RORA: variants seen among roughly 807,000 people sequenced by gnomAD.
RORA encodes nuclear receptor ROR-alpha.
A neutral mutation model predicts 69.5 loss-of-function variants in RORA; 7 were observed. The observed-to-expected ratio is 0.10, with a 90% confidence interval of 0.06 to 0.19. RORA has a LOEUF of 0.19. Among genes scored for constraint, RORA ranks in the 10% least tolerant of loss-of-function variants. RORA has a pLI of 1.00. For missense variants in RORA, 457 were observed against 663.0 expected, an observed-to-expected ratio of 0.69 and a Z score of 3.41; for synonymous variants, 261 against 240.8, an observed-to-expected ratio of 1.08 and a Z score of -0.78.
At chr15:60,516,087 ATATT>A (rs2065907689) in intron 3 of RORA, among the ~76,000 whole-genome samples, 1 of 64,632 alleles carries the variant, frequency 1.5e-5, no homozygotes, top group Non-Finnish European at 2.9e-5. Context: ...TTATTTATAT[ATATT>A]TATATATATT....
At position 61,009,824 on chromosome 15, in the gene RORA, T is replaced by C. The variant is rs191440875; in HGVS notation, c.166+219229A>G. ...CATTAATTTGCTAATTGGTGTTCAT[T>C]ACTTTGGACATGGGCTTCGACATGT... is the stretch of plus-strand genomic sequence containing the variant. On this transcript the variant is annotated intron_variant, in intron 1 of 10. Coordinates refer to ENST00000335670, the MANE Select transcript of RORA (RefSeq NM_134261.3). 3.3e-5 allele frequency among the ~76,000 whole-genome samples: 5 copies of C among 152,346 alleles called. No homozygotes were observed. In the East Asian group the frequency reaches 9.6e-4, roughly 29 times the overall value.
chr15:60,588,748 T>C (rs1287785698), intron 2 of RORA, among the ~76,000 whole-genome samples: 3 of 152,164 alleles, frequency 2.0e-5, no homozygotes, highest in African/African-American at 7.2e-5. Flanking sequence ...TCTAAATGAC[T>C]ATTTCTGTTT....
At chr15:60,772,605 G>A (rs181619485) in intron 1 of RORA, among the ~76,000 whole-genome samples, 2 of 152,256 alleles carry the variant, frequency 1.3e-5, no homozygotes, top group South Asian at 4.1e-4. Flanking sequence ...CTTTCAAAAC[G>A]TGATAAGTAA....
At position 61,077,404 on chromosome 15, in the gene RORA, G is replaced by A. The variant is rs116085604; in HGVS notation, c.166+151649C>T. ...ATTTGCCATTTACCTTGAAAGACAC[G>A]TCCAGATAAATGATTACATCTTCAG... is the stretch of plus-strand genomic sequence containing the variant. On this transcript the variant is annotated intron_variant, in intron 1 of 10. Coordinates refer to ENST00000335670, the MANE Select transcript of RORA (RefSeq NM_134261.3). Among the ~76,000 whole-genome samples, 878 of 152,254 alleles carry A rather than the reference G, an allele frequency of 5.8e-3. 5 individuals are homozygous for A. The highest frequency in any genetic ancestry group is 0.02 in the African/African-American group (832 of 41,538).
chr15:61,115,185 C>T (rs2079039934), intron 1 of RORA, among the ~76,000 whole-genome samples: 1 of 152,084 alleles, frequency 6.6e-6, no homozygotes, highest in African/African-American at 2.4e-5. Flanking sequence ...TTTCATATCT[C>T]CAGAGTCCAC....
At chr15:61,005,150 G>A (rs774813007) in intron 1 of RORA, among the ~76,000 whole-genome samples, 5 of 152,182 alleles carry the variant, frequency 3.3e-5, no homozygotes, top group Non-Finnish European at 5.9e-5. Flanking sequence ...GATTGGTTAA[G>A]TCAATTGTGT....
intron 1 of RORA, among the ~76,000 whole-genome samples, chr15:61,132,248 G>A (rs2079196256): frequency 2.0e-5 from 3 of 151,996 alleles, no homozygotes; most frequent in Non-Finnish European, 4.4e-5. Flanking sequence ...TTAAATGCTA[G>A]CATATATACA....
chr15:60,853,758 C>G (rs1249916270), intron 1 of RORA, among the ~76,000 whole-genome samples: 1 of 152,150 alleles, frequency 6.6e-6, no homozygotes. Flanking sequence ...ATAGGAAGAA[C>G]TGGAAGAACA....
chr15:60,588,217 T>C (rs1002851994), intron 2 of RORA, among the ~76,000 whole-genome samples: 5 of 152,224 alleles, frequency 3.3e-5, no homozygotes, highest in African/African-American at 1.2e-4. Flanking sequence ...GTGTAGCTGC[T>C]GACTCTGAGT....
At chr15:61,064,054 C>T (rs1346058647) in intron 1 of RORA, among the ~76,000 whole-genome samples, 1 of 152,188 alleles carries the variant, frequency 6.6e-6, no homozygotes, top group African/African-American at 2.4e-5. Flanking sequence ...CCACAACATT[C>T]CAGAGTCAAC....
chr15:60,506,959 C>T (rs927306186), intron 5 of RORA, among the ~76,000 whole-genome samples: 1 of 151,748 alleles, frequency 6.6e-6, no homozygotes, highest in Non-Finnish European at 1.5e-5. Flanking sequence ...TGCACTCCAG[C>T]CTGGGCAATA....
chr15:60,677,336 A>G, intron 2 of RORA: 1 of 410,668 alleles, frequency 2.4e-6, no homozygotes, highest in South Asian at 1.7e-5. Flanking sequence ...AACAACAACG[A>G]CAAAACAACC....
intron 1 of RORA, among the ~76,000 whole-genome samples, chr15:60,945,390 G>C (rs1426771355): frequency 6.6e-6 from 1 of 152,198 alleles, no homozygotes; most frequent in Non-Finnish European, 1.5e-5. Flanking sequence ...TACCAGGTTG[G>C]CTCTCTTCCA....
At chr15:60,708,988 T>C (rs916183107) in intron 1 of RORA, among the ~76,000 whole-genome samples, 2 of 152,094 alleles carry the variant, frequency 1.3e-5, no homozygotes, top group African/African-American at 4.8e-5. Flanking sequence ...TAGCAAAGAA[T>C]ACGTGAGCAG....
chr15:61,067,092 T>C (rs888462003), intron 1 of RORA, among the ~76,000 whole-genome samples: 1 of 151,562 alleles, frequency 6.6e-6, no homozygotes, highest in African/African-American at 2.4e-5. Flanking sequence ...TATGTATGTA[T>C]GCATTAGTCT....
At chr15:60,503,431 T>G in intron 7 of RORA, 104 bp downstream of exon 7, 1 of 1,125,600 alleles carries the variant, frequency 8.9e-7, no homozygotes, top group South Asian at 1.6e-5. Flanking sequence ...CTATTATCAT[T>G]GGAGAAAAAC....
chr15:60,691,865 C>T (rs896279531), intron 1 of RORA, among the ~76,000 whole-genome samples: 8 of 152,170 alleles, frequency 5.3e-5, no homozygotes, highest in Non-Finnish European at 7.3e-5. Flanking sequence ...AAGGTTATAA[C>T]CCAACTTGTA....
chr15:60,541,830 A>C (rs2140354707), intron 2 of RORA, among the ~76,000 whole-genome samples: 1 of 152,336 alleles, frequency 6.6e-6, no homozygotes, highest in Non-Finnish European at 1.5e-5. Context: ...TAAGTCATGC[A>C]CTAGAGGCAA....
At chr15:60,721,351 T>C (rs997241701) in intron 1 of RORA, among the ~76,000 whole-genome samples, 1 of 152,238 alleles carries the variant, frequency 6.6e-6, no homozygotes, top group African/African-American at 2.4e-5. Flanking sequence ...ATTTGCCTAG[T>C]GTATGTTCTA....
Sources: gnomAD v4.1 joint callset for allele counts (sites outside exome capture counted in the v4.1 genomes callset) on GRCh38, gnomAD v4.1.1 for gene constraint, MANE v1.5 for transcripts, NCBI Gene and HGNC (gene_info 2026-07-23, HGNC 2026-07-21) for gene names.